NOTCH2: variants seen among roughly 807,000 people sequenced by gnomAD.
NOTCH2 encodes notch receptor 2.
In NOTCH2, 29 loss-of-function variants were observed where a neutral mutation model predicts 235.8. The observed-to-expected ratio is 0.12, with a 90% CI of 0.09 to 0.17. The LOEUF is 0.17. NOTCH2 is among the 10% of genes least tolerant of loss of function. NOTCH2 has a pLI of 1.00. For missense variants in NOTCH2, 2,285 were observed against 3,150.2 expected (o/e 0.73, Z 6.57); for synonymous variants, 1,086 against 1,141.5 (o/e 0.95, Z 0.98).
intron 5 of NOTCH2, among the ~76,000 whole-genome samples, chr1:119,985,514 C>T (rs1651982635): frequency 6.6e-6 from 1 of 151,974 alleles, no homozygotes. Context: ...AGTGTAGTAT[C>T]GAACAAAAAC....
At chr1:119,942,418 T>C (rs1463153026) in intron 17 of NOTCH2, among the ~76,000 whole-genome samples, 1 of 152,226 alleles carries the variant, frequency 6.6e-6, no homozygotes, top group Non-Finnish European at 1.5e-5. Flanking sequence ...CTTAAAAATA[T>C]AATTGCAAAG....
rs763457919 is a variant in NOTCH2, at chr1:119,916,707, C to A, written c.6028-13G>T. On this transcript the variant is annotated splice_polypyrimidine_tract_variant and intron_variant, in intron 33 of 33. Coordinates refer to ENST00000256646, the MANE Select transcript of NOTCH2 (RefSeq NM_024408.4). ...GAGGTGTCTCTTCCTACAGAAAAGG[C>A]CCATCACAGAACACATGTTAATAAC... The A allele has an allele frequency of 9.3e-6, 15 of 1,613,670 alleles. No homozygotes were observed. In the Admixed American group the frequency reaches 1.7e-4, roughly 18 times the overall value.
At position 119,915,287 on chromosome 1, in the gene NOTCH2, A is replaced by G; in HGVS notation, c.*19T>C. On this transcript the variant is annotated 3_prime_UTR_variant, in exon 34 of 34. Transcript: ENST00000256646. Reference sequence around the variant, plus strand: ...ATTTACAAAAGTCAGTTATGTCTCTACACTGGAGGTGGACTCTCTCACGCA... The same window carrying G: ...ATTTACAAAAGTCAGTTATGTCTCTGCACTGGAGGTGGACTCTCTCACGCA... 6.2e-7 allele frequency: 1 copy of G among 1,611,538 alleles called. No homozygotes were observed.
rs1553197395 is a variant in NOTCH2, at chr1:119,949,014, G to C, written c.2592C>G (p.Gly864=). Residue 864 remains glycine, a synonymous_variant, in exon 16 of 34, where the codon GGC becomes GGG. Coordinates refer to ENST00000256646, the MANE Select transcript of NOTCH2 (RefSeq NM_024408.4). ...FESYTCLCAP[G]WQGQRCTIDI... is the part of the protein sequence containing the mutation. ...CCACACCCATGTTCTTACCTTGCCA[G>C]CCAGGAGCACACAAGCAAGTATAAC... 6.2e-7 allele frequency: 1 copy of C among 1,614,160 alleles called. No homozygotes were observed. Among genetic ancestry groups the C allele is most frequent in the South Asian group, 1.1e-5 (1 of 91,082 alleles).
Position 119,966,595 on chromosome 1 carries a change from A to G in NOTCH2, c.1454-106T>C, listed in dbSNP as rs1374580298. ...AACTACATCCTTTGCGAGTACACAC[A>G]TTTCTGCAGAGAAAAAAGGAACTCT... On this transcript the variant is annotated intron_variant, in intron 8 of 33. Transcript: ENST00000256646. 5.3e-5 allele frequency: 42 copies of G among 797,508 alleles called. No individual in the cohort carries two copies. In the Admixed American group the frequency reaches 7.3e-4, roughly 14 times the overall value. The allele number at this position is 797,508 out of a possible 1,614,324, so 49.4% of individuals were successfully genotyped here.
At chr1:119,927,241 C>T (rs1649506390) in intron 23 of NOTCH2, among the ~76,000 whole-genome samples, 1 of 152,186 alleles carries the variant, frequency 6.6e-6, no homozygotes, top group African/African-American at 2.4e-5. Context: ...AGAGGAGACG[C>T]AGGGCACAGC....
At chr1:119,921,285 G>A (rs1440281628) in intron 29 of NOTCH2, among the ~76,000 whole-genome samples, 4 of 152,126 alleles carry the variant, frequency 2.6e-5, no homozygotes, top group Non-Finnish European at 5.9e-5. Flanking sequence ...CAATGTCAAC[G>A]TTTTGCCATG....
chr1:120,062,669 G>C (rs1338794866), intron 1 of NOTCH2, among the ~76,000 whole-genome samples: 1 of 98,468 alleles, frequency 1.0e-5, no homozygotes, highest in East Asian at 2.3e-4. Flanking sequence ...ATCTAGAAGA[G>C]GAGAATACCC....
chr1:119,941,475 T>C (rs782596877), intron 18 of NOTCH2, 51 bp downstream of exon 18: 9 of 1,345,530 alleles, frequency 6.7e-6, no homozygotes, highest in South Asian at 1.2e-5. Flanking sequence ...TTTCCTTCCC[T>C]TTCTCCCTTT....
In NOTCH2 at chr1:119,913,397, T is replaced by C. The variant is rs758650876; in HGVS notation, c.*1909A>G. The C allele has an allele frequency of 2.6e-5, 6 of 232,994 alleles. No individual in the cohort carries two copies. Among genetic ancestry groups the C allele is most frequent in the Non-Finnish European group, 5.1e-5 (6 of 118,032 alleles). The allele number at this position is 232,994 out of a possible 1,614,324, so 14.4% of individuals were successfully genotyped here. ...GTAAGTGGGAAGCACTGATGCATAC[T>C]TGCAGCCATAGAAGGAATGAGAACT... On this transcript the variant is annotated 3_prime_UTR_variant, in exon 34 of 34. Coordinates refer to ENST00000256646, the MANE Select transcript of NOTCH2 (RefSeq NM_024408.4).
chr1:120,064,600 G>C (rs1655432156), intron 1 of NOTCH2, among the ~76,000 whole-genome samples: 1 of 151,826 alleles, frequency 6.6e-6, no homozygotes, highest in South Asian at 2.1e-4. Flanking sequence ...CTGTAGTACA[G>C]AGAAGAAATG....
chr1:119,950,777 G>A lies in NOTCH2; in HGVS notation c.2426C>T (p.Thr809Ile). 2 of 1,614,162 alleles carry A rather than the reference G, an allele frequency of 1.2e-6. No homozygotes were observed. Among genetic ancestry groups the A allele is most frequent in the African/African-American group, 1.3e-5 (1 of 75,050 alleles). ...GTAGCCACTTATGTCATCAAAGCAGGTTCCTTGGTTCAGGCATGGATTTGA... is the reference window on the plus strand; with the variant it reads ...GTAGCCACTTATGTCATCAAAGCAGATTCCTTGGTTCAGGCATGGATTTGA... Reference protein sequence around the residue: ...CASNPCLNQGTCFDDISGYTC... With the variant: ...CASNPCLNQGICFDDISGYTC... Residue 809 changes from threonine to isoleucine, a missense_variant, in exon 15 of 34, where the codon ACC (threonine) becomes ATC (isoleucine). Coordinates refer to ENST00000256646, the MANE Select transcript of NOTCH2 (RefSeq NM_024408.4).
rs1651224607 is a variant in NOTCH2, at chr1:119,968,305, C to T, written c.1109-73G>A. 2.7e-6 allele frequency: 4 copies of T among 1,495,452 alleles called. No homozygotes were observed. In the South Asian group the frequency reaches 3.5e-5, roughly 13 times the overall value. 92.6% of individuals were successfully genotyped at this position (1,495,452 alleles called of 1,614,324 possible). A position where few individuals can be genotyped will look rare whatever the true frequency, so the allele number is the denominator to read the frequency against. ...TTGGGGAAGAGCTTTCTCTTTCACC[C>T]AGGAGGGAAAACCTCATGATCAGTT... On this transcript the variant is annotated intron_variant, in intron 6 of 33. Transcript: ENST00000256646.
chr1:119,959,745 T>C (rs993204755), intron 11 of NOTCH2, among the ~76,000 whole-genome samples: 5 of 152,154 alleles, frequency 3.3e-5, no homozygotes, highest in African/African-American at 9.7e-5. Flanking sequence ...ACATTCAAAC[T>C]GATGGTGCAG....
Position 120,005,474 on chromosome 1 carries a change from G to A in NOTCH2, c.270C>T (p.Cys90=), listed in dbSNP as rs2101242766. ...VAQAMLGKAT[C]RCASGFTGED... ...CTCCTGTAAACCCTGAGGCACATCG[G>A]CACGTGGCTTTCCCCAGCATGGCCT... Residue 90 remains cysteine, a synonymous_variant, in exon 3 of 34, where the codon TGC becomes TGT. Transcript: ENST00000256646. 1 of 1,613,706 alleles carries A rather than the reference G, an allele frequency of 6.2e-7. No individual in the cohort carries two copies. Among genetic ancestry groups the A allele is most frequent in the Non-Finnish European group, 8.5e-7 (1 of 1,179,796 alleles).
At chr1:120,027,697 A>G (rs61788893) in intron 2 of NOTCH2, among the ~76,000 whole-genome samples, 9 of 148,532 alleles carry the variant, frequency 6.1e-5, no homozygotes, top group East Asian at 4.0e-4. Context: ...TCATTGTTCA[A>G]CTCCCACTTA....
chr1:119,951,920 G>GT (rs2101119942), intron 14 of NOTCH2, among the ~76,000 whole-genome samples: 1 of 152,356 alleles, frequency 6.6e-6, no homozygotes, highest in East Asian at 1.9e-4. Flanking sequence ...AAATAAAAGT[G>GT]TTTTGAAATC....
In NOTCH2 at chr1:119,920,285, G is replaced by A. The variant is rs144085962; in HGVS notation, c.5423C>T (p.Thr1808Ile). Residue 1808 changes from threonine to isoleucine, a missense_variant, in exon 30 of 34, where the codon ACC becomes ATC. Thr to Ile is a moderately conservative substitution (Grantham distance 89). Around this residue, in one of 6 missense-constraint regions of NOTCH2, gnomAD observed 1,173 missense variants for 1,515.3 expected, o/e 0.77. Coordinates refer to ENST00000256646, the MANE Select transcript of NOTCH2 (RefSeq NM_024408.4). The part of the protein sequence containing the change: ...DIRRTPSLAL[T>I]PPQAEQEVDV... The stretch of plus-strand genomic sequence containing the variant: ...CACCTCCTGCTCTGCCTGAGGAGGG[G>A]TGAGAGCCAGCGATGGTGTCCTACG... The A allele has an allele frequency of 4.8e-5, 77 of 1,614,196 alleles. No individual in the cohort carries two copies. Among genetic ancestry groups the A allele is most frequent in the Admixed American group, 6.7e-5 (4 of 60,026 alleles).
intron 1 of NOTCH2, chr1:120,069,125 A>G: frequency 6.6e-7 from 1 of 1,525,104 alleles, no homozygotes; most frequent in East Asian, 2.5e-5. Context: ...CGCGGGGAGC[A>G]GAGGCGGCGG....
Sources: gnomAD v4.1 joint callset for allele counts (sites outside exome capture counted in the v4.1 genomes callset) on GRCh38, gnomAD v4.1.1 for gene constraint, gnomAD v4.1.1 regional missense constraint, MANE v1.5 for transcripts, NCBI Gene and HGNC (gene_info 2026-07-23, HGNC 2026-07-21) for gene names.